The following TAF1 variants were observed in gnomAD, a reference collection of about 807,000 sequenced individuals.
The protein encoded by TAF1 is transcription initiation factor TFIID subunit 1.
Under a neutral mutation model 138.5 loss-of-function variants are expected in TAF1, and 2 were observed. The ratio of observed to expected loss-of-function variants is 0.01; its 90% CI spans 0.01 to 0.05. The LOEUF is 0.05. Ranked by LOEUF, TAF1 falls within the 10% of genes least tolerant of loss-of-function variation. The probability of loss-of-function intolerance (pLI) is 1.00; values close to 1 mark genes in which losing one functional copy is unlikely to be tolerated. For synonymous variants in TAF1, 437 were observed against 503.2 expected (o/e 0.87, Z 1.76); for missense variants, 709 against 1,478.0 (o/e 0.48, Z 8.53).
chrX:71,476,567 C>T (rs553212098), intron 13 of TAF1, among the ~76,000 whole-genome samples: 3 of 109,584 alleles, frequency 2.7e-5, no homozygotes, highest in Non-Finnish European at 3.8e-5. Flanking sequence ...TGCTTGAGCC[C>T]AGGAGTTTGA....
At chrX:71,406,789 T>A in intron 26 of TAF1, 43 bp downstream of exon 26, 3 of 1,093,566 alleles carry the variant, frequency 2.7e-6, no homozygotes, top group Non-Finnish European at 3.8e-6. Context: ...TAGGTTATCA[T>A]TGATTCCCCA....
intron 21 of TAF1, among the ~76,000 whole-genome samples, chrX:71,393,789 T>G (rs1443362188): frequency 1.8e-5 from 2 of 111,296 alleles, no homozygotes; most frequent in African/African-American, 6.5e-5. Context: ...TTTCTAAAGG[T>G]TTAGTTGTGA....
intron 13 of TAF1, among the ~76,000 whole-genome samples, chrX:71,478,372 C>A (rs946430796): frequency 9.0e-6 from 1 of 110,552 alleles, no homozygotes; most frequent in Non-Finnish European, 1.9e-5. Context: ...GAATAACTAT[C>A]CTGGCCAACT....
intron 32 of TAF1, among the ~76,000 whole-genome samples, chrX:71,435,660 T>G (rs1602664184): frequency 8.9e-6 from 1 of 112,051 alleles, no homozygotes; most frequent in East Asian, 2.8e-4. Flanking sequence ...TTTTCTAGTT[T>G]TCTGGTTATA....
intron 13 of TAF1, among the ~76,000 whole-genome samples, chrX:71,486,143 C>T (rs2039167193): frequency 2.7e-5 from 3 of 109,118 alleles, no homozygotes; most frequent in Middle Eastern, 4.6e-3. Flanking sequence ...CAGCTTTGAC[C>T]TTTCGGGCTC....
chrX:71,386,007 C>A (rs2034196486), intron 14 of TAF1, among the ~76,000 whole-genome samples: 1 of 110,420 alleles, frequency 9.1e-6, no homozygotes, highest in Admixed American at 9.7e-5. Flanking sequence ...ACTCAAAATA[C>A]AAAATTAGCC....
intron 9 of TAF1, 102 bp from the exon 10 acceptor site, chrX:71,382,434 A>G: frequency 9.1e-7 from 1 of 1,102,856 alleles, no homozygotes; most frequent in South Asian, 2.2e-5. Flanking sequence ...TAAGACCTTC[A>G]CTGGAACATC....
chrX:71,408,192 A>G, intron 28 of TAF1, 41 bp downstream of exon 28: 1 of 1,194,236 alleles, frequency 8.4e-7, no homozygotes, highest in Non-Finnish European at 1.1e-6. Context: ...GTCACTGTTC[A>G]GATCCTTATT....
At chrX:71,469,788 A>C (rs1398651008), downstream of TAF1, among the ~76,000 whole-genome samples, 2 of 110,025 alleles carry the variant, frequency 1.8e-5, no homozygotes, top group African/African-American at 6.6e-5. Context: ...CGCAACCTCT[A>C]CCTCCCCAGT....
chrX:71,489,835 C>T (rs2039243375), intron 13 of TAF1, among the ~76,000 whole-genome samples: 1 of 111,821 alleles, frequency 8.9e-6, no homozygotes, highest in African/African-American at 3.2e-5. Context: ...CAGAGAATTA[C>T]AAAATATTTC....
chrX:71,516,704 T>C (rs778246021), intron 13 of TAF1, among the ~76,000 whole-genome samples: 1 of 105,318 alleles, frequency 9.5e-6, no homozygotes, highest in Non-Finnish European at 1.9e-5. Flanking sequence ...TTTGTTGCTG[T>C]TGTTGTTGTT....
intron 37 of TAF1, among the ~76,000 whole-genome samples, chrX:71,462,023 C>T (rs1472977116): frequency 1.8e-5 from 2 of 111,749 alleles, no homozygotes; most frequent in African/African-American, 6.5e-5. Context: ...GAAACGCTTT[C>T]AGAGAACACA....
intron 13 of TAF1, among the ~76,000 whole-genome samples, chrX:71,489,530 G>T (rs991850316): frequency 7.0e-4 from 77 of 110,516 alleles, no homozygotes; most frequent in Non-Finnish European, 9.7e-4. Flanking sequence ...TACAAAATTA[G>T]CTGGGCATGG....
intron 35 of TAF1, 103 bp downstream of exon 35, chrX:71,458,469 C>G: frequency 9.4e-7 from 1 of 1,061,007 alleles, no homozygotes; most frequent in Non-Finnish European, 1.2e-6. Context: ...TCAAGAATGA[C>G]TGGGCCCTTT....
chrX:71,436,284 C>T (rs182989229), intron 32 of TAF1, among the ~76,000 whole-genome samples: 1 of 99,864 alleles, frequency 1.0e-5, no homozygotes, highest in Admixed American at 1.1e-4. Context: ...GGCGCGATCT[C>T]GGCTCACTGC....
At chrX:71,450,067 C>T (rs1027233350) in intron 32 of TAF1, among the ~76,000 whole-genome samples, 1 of 112,274 alleles carries the variant, frequency 8.9e-6, no homozygotes, top group Admixed American at 9.4e-5. Flanking sequence ...CCACCACACC[C>T]GGCTCTAAAT....
At chrX:71,400,399 G>A (rs183877147) in intron 24 of TAF1, among the ~76,000 whole-genome samples, 172 of 112,172 alleles carry the variant, frequency 1.5e-3, no homozygotes, top group African/African-American at 5.4e-3. Context: ...CCCAAGTTTG[G>A]TAGGTTTTTT....
chrX:71,483,770 C>CTA (rs1366024216), intron 13 of TAF1, among the ~76,000 whole-genome samples: 80 of 77,093 alleles, frequency 1.0e-3, no homozygotes, highest in South Asian at 2.2e-3. Flanking sequence ...CTCTCTCTCT[C>CTA]TCTCTCTCTC....
intron 37 of TAF1, among the ~76,000 whole-genome samples, chrX:71,462,487 G>A (rs771021660): frequency 1.8e-5 from 2 of 110,718 alleles, no homozygotes; most frequent in African/African-American, 6.6e-5. Flanking sequence ...CAGGAGAATC[G>A]CTTGAACCCA....
Sources: gnomAD v4.1 joint callset for allele counts (sites outside exome capture counted in the v4.1 genomes callset) on GRCh38, gnomAD v4.1.1 for gene constraint, MANE v1.5 for transcripts, NCBI Gene and HGNC (gene_info 2026-07-23, HGNC 2026-07-21) for gene names.